Variants in EYA1 observed in about 807,000 individuals in gnomAD.
The protein encoded by EYA1 is EYA transcriptional coactivator and phosphatase 1, also known as protein phosphatase EYA1.
In EYA1, 16 loss-of-function variants were observed where a neutral mutation model predicts 82.0. The ratio of observed to expected loss-of-function variants is 0.20; its 90% CI spans 0.13 to 0.30. The LOEUF (loss-of-function observed/expected upper bound fraction) is 0.30, where lower values mean the gene tolerates loss of function less well. Among genes scored for constraint, EYA1 ranks in the 10% least tolerant of loss-of-function variants. EYA1 has a pLI of 1.00. For missense variants in EYA1, 633 were observed against 730.7 expected, an observed-to-expected ratio of 0.87 and a Z score of 1.54; for synonymous variants, 261 against 264.4, an observed-to-expected ratio of 0.99 and a Z score of 0.12.
At chr8:71,329,959 A>C (rs1823628417) in intron 4 of EYA1, among the ~76,000 whole-genome samples, 1 of 152,164 alleles carries the variant, frequency 6.6e-6, no homozygotes. Context: ...GGCCTCGATG[A>C]GGTGAGATTT....
At chr8:71,475,338 G>A (rs895104740) in intron 2 of EYA1, among the ~76,000 whole-genome samples, 18 of 152,258 alleles carry the variant, frequency 1.2e-4, no homozygotes, top group Non-Finnish European at 1.6e-4. Flanking sequence ...GGGACTGCAG[G>A]TCTAGAGCAA....
At chr8:71,423,457 A>C (rs1303382807) in intron 2 of EYA1, among the ~76,000 whole-genome samples, 1 of 152,138 alleles carries the variant, frequency 6.6e-6, no homozygotes, top group Non-Finnish European at 1.5e-5. Flanking sequence ...TTTATTCTTC[A>C]AACTGGCAAG....
At chr8:71,501,079 A>G (rs939368624) in intron 2 of EYA1, among the ~76,000 whole-genome samples, 1 of 152,236 alleles carries the variant, frequency 6.6e-6, no homozygotes, top group Non-Finnish European at 1.5e-5. Flanking sequence ...ATAATAACTC[A>G]TACTGCCATT....
chr8:71,494,022 C>CAAAAAAAAAAAAAAAAAAAAAAAAAAA (rs34340467), intron 2 of EYA1, among the ~76,000 whole-genome samples: 1 of 41,872 alleles, frequency 2.4e-5, no homozygotes, highest in African/African-American at 6.7e-5. Context: ...GACTCCGTCT[C>CAAAAAAAAAAAAAAAAAAAAAAAAAAA]AAAAAAAAAA....
rs566836686 is a variant in EYA1 at position 71,303,406 on chromosome 8, A to T, written c.557-3686T>A. Among the ~76,000 whole-genome samples the T allele has an allele frequency of 2.1e-5, 3 of 142,860 alleles. 1 individual carries two copies. The highest frequency in any genetic ancestry group is 4.8e-5 in the Non-Finnish European group (3 of 62,826). 93.7% of individuals were successfully genotyped at this position (142,860 alleles called of 152,430 possible). ...ACCTGTAAACTAACAAATACTAATT[A>T]TATGTAAACTAGTCCTTCCCCTACA... On this transcript the variant is annotated intron_variant, in intron 7 of 17. Coordinates refer to ENST00000340726, the MANE Select transcript of EYA1 (RefSeq NM_000503.6).
At chr8:71,313,191 T>C (rs970173462) in intron 7 of EYA1, among the ~76,000 whole-genome samples, 2 of 152,164 alleles carry the variant, frequency 1.3e-5, no homozygotes, top group Non-Finnish European at 2.9e-5. Flanking sequence ...TCATGTTGTT[T>C]CTCCCCCGCT....
intron 11 of EYA1, among the ~76,000 whole-genome samples, chr8:71,255,288 C>T (rs77992279): frequency 0.033 from 5,042 of 152,108 alleles, 241 homozygotes; most frequent in African/African-American, 0.11. Flanking sequence ...CCTTGAAGAT[C>T]CAAAACAATT....
chr8:71,400,013 T>C (rs1829862996), intron 2 of EYA1, among the ~76,000 whole-genome samples: 1 of 152,034 alleles, frequency 6.6e-6, no homozygotes, highest in South Asian at 2.1e-4. Context: ...CATGCATCTG[T>C]CTTCAACAAA....
At chr8:71,241,015 G>GT (rs999167337) in intron 12 of EYA1, among the ~76,000 whole-genome samples, 1 of 152,264 alleles carries the variant, frequency 6.6e-6, no homozygotes, top group African/African-American at 2.4e-5. Context: ...CACATGGAGA[G>GT]TTTTTTTGTA....
chr8:71,337,970 T>TA (rs1161606233), intron 3 of EYA1, among the ~76,000 whole-genome samples: 1 of 152,156 alleles, frequency 6.6e-6, no homozygotes, highest in Non-Finnish European at 1.5e-5. Flanking sequence ...CAGGTGAGAA[T>TA]AAAAAAAGAT....
intron 2 of EYA1, among the ~76,000 whole-genome samples, chr8:71,411,607 G>T (rs1460864046): frequency 6.6e-6 from 1 of 151,794 alleles, no homozygotes; most frequent in Non-Finnish European, 1.5e-5. Context: ...AGACATTTAT[G>T]CAGCCAAAAT....
chr8:71,463,575 TTCTCTCTCTCTCTCTCTCTCTCTCTC>T (rs776367934), intron 2 of EYA1, among the ~76,000 whole-genome samples: 10 of 41,192 alleles, frequency 2.4e-4, no homozygotes, highest in African/African-American at 9.9e-4. Context: ...AATACATGCT[TTCTCTCTCTCTCTCTCTCTCTCTCTC>T]TCTCTCTCTC....
At chr8:71,546,420 C>T (rs1815580815) in intron 1 of EYA1, among the ~76,000 whole-genome samples, 1 of 152,060 alleles carries the variant, frequency 6.6e-6, no homozygotes, top group Non-Finnish European at 1.5e-5. Context: ...CTTCATTGAC[C>T]AACATGGACA....
At chr8:71,266,185 CAT>C (rs1389234046) in intron 11 of EYA1, among the ~76,000 whole-genome samples, 1 of 152,198 alleles carries the variant, frequency 6.6e-6, no homozygotes, top group Non-Finnish European at 1.5e-5. Context: ...GTCAGGCATT[CAT>C]TCTTTATATA....
intron 3 of EYA1, among the ~76,000 whole-genome samples, chr8:71,339,458 C>G (rs950824425): frequency 6.6e-6 from 1 of 151,948 alleles, no homozygotes; most frequent in Admixed American, 6.6e-5. Context: ...CTTGCCAGAC[C>G]CCCTTTTCCA....
chr8:71,247,256 C>T (rs551628870), intron 11 of EYA1, among the ~76,000 whole-genome samples: 1 of 152,258 alleles, frequency 6.6e-6, no homozygotes. Context: ...TACCTTCCAG[C>T]AGCCCTAGAG....
intron 12 of EYA1, among the ~76,000 whole-genome samples, chr8:71,240,934 A>C (rs1039856951): frequency 1.3e-5 from 2 of 152,210 alleles, no homozygotes; most frequent in African/African-American, 4.8e-5. Context: ...TTTACCAAAG[A>C]AGCTGAAAAA....
At chr8:71,423,234 A>G (rs1341297209) in intron 2 of EYA1, among the ~76,000 whole-genome samples, 1 of 152,222 alleles carries the variant, frequency 6.6e-6, no homozygotes, top group Non-Finnish European at 1.5e-5. Flanking sequence ...TGATAAAAAC[A>G]TTCTCAAAGA....
chr8:71,202,885 C>T (rs980109806), intron 17 of EYA1, among the ~76,000 whole-genome samples: 2 of 152,194 alleles, frequency 1.3e-5, no homozygotes, highest in Non-Finnish European at 2.9e-5. Context: ...AGGTGTCAAA[C>T]TCCTGTTAAC....
Sources: gnomAD v4.1 joint callset for allele counts (sites outside exome capture counted in the v4.1 genomes callset) on GRCh38, gnomAD v4.1.1 for gene constraint, MANE v1.5 for transcripts, NCBI Gene and HGNC (gene_info 2026-07-23, HGNC 2026-07-21) for gene names.